The following NOP9 variants were observed in gnomAD, a reference collection of about 807,000 sequenced individuals.
NOP9 encodes NOP9 nucleolar protein, also known as nucleolar protein 9.
A neutral mutation model predicts 63.0 loss-of-function variants in NOP9; 50 were observed. The observed-to-expected ratio is 0.79, with a 90% CI of 0.63 to 1.00. The LOEUF (loss-of-function observed/expected upper bound fraction) is 1.00. Among genes scored for constraint, NOP9 ranks in the 50% least tolerant of loss-of-function variants. NOP9 has a pLI of 0.00. For missense variants in NOP9, 758 were observed against 803.0 expected (o/e 0.94, Z 0.68); for synonymous variants, 343 against 332.8 (o/e 1.03, Z -0.33).
rs1162773942 is a variant in NOP9 at position 24,307,510 on chromosome 14, A to T, written c.*2415A>T. On this transcript the variant is annotated 3_prime_UTR_variant, in exon 10 of 10. Transcript: ENST00000267425. ...TCCAAACTCCGAGCTTATATTAGAT[A>T]CTGACCTGGTAGTTGAGAAGAAAAG... 5 of 1,613,344 alleles carry T rather than the reference A, an allele frequency of 3.1e-6. No homozygotes were observed. In the African/African-American group the frequency reaches 6.7e-5, roughly 22 times the overall value.
At chr14:24,297,388 G>C (rs2041268503), upstream of NOP9, among the ~76,000 whole-genome samples, 1 of 152,146 alleles carries the variant, frequency 6.6e-6, no homozygotes, top group African/African-American at 2.4e-5. Context: ...TCTACTTCCT[G>C]TTCTGTCTCA....
Position 24,302,007 on chromosome 14 carries a change from C to T in NOP9, c.851C>T (p.Ala284Val). ...DKISSFCLQV[A>V]LQVLHRKLPQ... is the part of the protein sequence containing the mutation. ...ATCTCCAGCTTCTGTCTTCAAGTGG[C>T]TTTACAGGTTTTACACCGCAAACTT... The change falls in exon 4 of 10, where the codon GCT becomes GTT. Residue 284 changes from alanine to valine, a missense_variant. Transcript: ENST00000267425. 1 of 1,614,062 alleles carries T rather than the reference C, an allele frequency of 6.2e-7. No homozygotes were observed. Among genetic ancestry groups the T allele is most frequent in the Non-Finnish European group, 8.5e-7 (1 of 1,179,952 alleles).
At chr14:24,304,871 A>C (rs1318211111) in intron 9 of NOP9, 67 bp from the exon 10 acceptor site, 3 of 1,465,504 alleles carry the variant, frequency 2.0e-6, no homozygotes, top group Non-Finnish European at 1.8e-6. Context: ...AAATGGAGGG[A>C]TCTTTACGTC....
Position 24,308,031 on chromosome 14 carries a change from C to T in NOP9, c.*2936C>T. On this transcript the variant is annotated 3_prime_UTR_variant, in exon 10 of 10. Transcript: ENST00000267425. The stretch of plus-strand genomic sequence containing the variant: ...CCTGGCCAGTAAGAAGGGCAAAGTC[C>T]AAGGGGAGGGATGAGGGAGGGGCCA... The T allele has an allele frequency of 1.5e-6, 1 of 647,548 alleles. No homozygotes were observed. Among genetic ancestry groups the T allele is most frequent in the Non-Finnish European group, 2.8e-6 (1 of 356,362 alleles). The allele number at this position is 647,548 out of a possible 1,614,324, so 40.1% of individuals were successfully genotyped here. A position where few individuals can be genotyped will look rare whatever the true frequency, so the allele number is the denominator to read the frequency against.
At chr14:24,280,688 G>C in the NOP9 span, among the ~76,000 whole-genome samples, 4 of 152,222 alleles carry the variant, frequency 2.6e-5, no homozygotes, top group Non-Finnish European at 1.5e-5. Context: ...CATTATAGTT[G>C]GGGAGACAGT....
At chr14:24,297,336 G>A (rs767156021), upstream of NOP9, among the ~76,000 whole-genome samples, 3 of 152,068 alleles carry the variant, frequency 2.0e-5, no homozygotes, top group Non-Finnish European at 4.4e-5. Context: ...AATGCTCCTG[G>A]TTGGTAATTG....
upstream of NOP9, chr14:24,296,891 G>A: frequency 6.2e-7 from 1 of 1,614,182 alleles, no homozygotes; most frequent in Non-Finnish European, 8.5e-7. Flanking sequence ...CCTGGAGTAG[G>A]ACAGGGGATA....
the NOP9 span, among the ~76,000 whole-genome samples, chr14:24,282,261 A>T: frequency 6.6e-6 from 1 of 152,184 alleles, no homozygotes; most frequent in African/African-American, 2.4e-5. Flanking sequence ...TCACACTTTT[A>T]TGCAGAGTTA....
chr14:24,285,360 G>C, the NOP9 span, among the ~76,000 whole-genome samples: 1 of 152,166 alleles, frequency 6.6e-6, no homozygotes, highest in Non-Finnish European at 1.5e-5. Context: ...GAAGTTTCTG[G>C]TGGTGGGAGC....
Position 24,301,840 on chromosome 14 carries a change from G to A in NOP9, c.808+118G>A, listed in dbSNP as rs112093451. ...CTTTTCAAACCTGGTCTGGTTTGAC[G>A]TTCAGAGCACTTTGTATAGTCCCTT... On this transcript the variant is annotated intron_variant, in intron 3 of 9. Coordinates refer to ENST00000267425, the MANE Select transcript of NOP9 (RefSeq NM_174913.3). 2.6e-3 allele frequency: 3,766 copies of A among 1,453,930 alleles called. 97 individuals are homozygous for A. The African/African-American group carries it at 0.045, about 17-fold the overall frequency. 90.1% of individuals were successfully genotyped at this position (1,453,930 alleles called of 1,614,324 possible). A position where few individuals can be genotyped will look rare whatever the true frequency, so the allele number is the denominator to read the frequency against.
the NOP9 span, chr14:24,291,019 A>T: frequency 6.2e-7 from 1 of 1,613,882 alleles, no homozygotes; most frequent in Non-Finnish European, 8.5e-7. Context: ...GAGGAGGAGG[A>T]TTAGATTCTC....
Position 24,301,696 on chromosome 14 carries a change from GCTC to G in NOP9, c.788_790del (p.Ser263del), listed in dbSNP as rs768416000. On this transcript the variant is annotated inframe_deletion, in exon 3 of 10. Transcript: ENST00000267425. Reference sequence around the variant, plus strand: ...TTTTTGAATCGCCTTCAGGACCTGAGCTCCTCCTTTCTGAAGGACATTGCAGGT... The same window carrying G: ...TTTTTGAATCGCCTTCAGGACCTGAGCTCCTTTCTGAAGGACATTGCAGGT... 1 of 1,614,170 alleles carries G rather than the reference GCTC, an allele frequency of 6.2e-7. No homozygotes were observed. Among genetic ancestry groups the G allele is most frequent in the Non-Finnish European group, 8.5e-7 (1 of 1,180,026 alleles).
At position 24,304,583 on chromosome 14, in the gene NOP9, A is replaced by T; in HGVS notation, c.1738A>T (p.Ile580Phe). The T allele has an allele frequency of 6.2e-7, 1 of 1,610,962 alleles. No individual in the cohort carries two copies. Among genetic ancestry groups the T allele is most frequent in the African/African-American group, 1.3e-5 (1 of 74,776 alleles). Reference protein sequence around the residue: ...SGAALRARKEIAAELGEQNQE... With the variant: ...SGAALRARKEFAAELGEQNQE... ...AGCAGCCTTGAGGGCCCGGAAGGAAATTGCTGCTGAGCTTGGTGAGTACCA... is the reference window on the plus strand; with the variant it reads ...AGCAGCCTTGAGGGCCCGGAAGGAATTTGCTGCTGAGCTTGGTGAGTACCA... Residue 580 changes from isoleucine to phenylalanine, a missense_variant, in exon 9 of 10, where the codon ATT becomes TTT. Physicochemically the swap from Ile to Phe is conservative, Grantham distance 21 (BLOSUM62 0). Transcript: ENST00000267425.
chr14:24,300,637 T>C lies in NOP9; in HGVS notation c.477T>C (p.Ser159=). ...TACAGCTCCCTCGATTGCTGGGGAG[T>C]GCTGCAGAGGAGGAGGAGGAGGAGG... ...ALLQLPRLLG[S]AAEEEEEEEE... Residue 159 remains serine (S), a synonymous_variant, in exon 2 of 10, where the codon AGT becomes AGC. Coordinates refer to ENST00000267425, the MANE Select transcript of NOP9 (RefSeq NM_174913.3). The C allele has an allele frequency of 7.2e-7, 1 of 1,390,628 alleles. No individual in the cohort carries two copies. Among genetic ancestry groups the C allele is most frequent in the East Asian group, 2.2e-5 (1 of 44,566 alleles). The allele number at this position is 1,390,628 out of a possible 1,614,324, so 86.1% of individuals were successfully genotyped here.
the NOP9 span, among the ~76,000 whole-genome samples, chr14:24,290,365 G>A: frequency 6.6e-6 from 1 of 152,236 alleles, no homozygotes; most frequent in African/African-American, 2.4e-5. Flanking sequence ...GTGGAATGGG[G>A]GTGGAAAACC....
upstream of NOP9, chr14:24,296,399 AAG>A (rs2041247333): frequency 1.9e-6 from 2 of 1,057,314 alleles, no homozygotes; most frequent in African/African-American, 3.1e-5. Flanking sequence ...AGGGAGAAGA[AAG>A]AGATGGGGGA....
chr14:24,306,519 A>G lies in NOP9; in HGVS notation c.*1424A>G. ...CACTCCATTCAGCAGTAGGGTCTCC[A>G]ATGCCTGCCCAATGGCAAGAAGCAA... On this transcript the variant is annotated 3_prime_UTR_variant, in exon 10 of 10. Coordinates refer to ENST00000267425, the MANE Select transcript of NOP9 (RefSeq NM_174913.3). 2 of 1,614,192 alleles carry G rather than the reference A, an allele frequency of 1.2e-6. No individual in the cohort carries two copies. The highest frequency in any genetic ancestry group is 1.7e-6 in the Non-Finnish European group (2 of 1,180,028).
At chr14:24,298,733 C>G, upstream of NOP9, 2 of 522,800 alleles carry the variant, frequency 3.8e-6, no homozygotes, top group Non-Finnish European at 6.6e-6. Context: ...GAACGTGCCA[C>G]CATGCCTGGC....
At position 24,302,077 on chromosome 14, in the gene NOP9, G is replaced by A. The variant is rs1413789527; in HGVS notation, c.921G>A (p.Leu307=). The A allele has an allele frequency of 2.5e-6, 4 of 1,614,036 alleles. No individual in the cohort carries two copies. The highest frequency in any genetic ancestry group is 3.4e-6 in the Non-Finnish European group (4 of 1,179,962). The change falls in exon 4 of 10, where the codon CTG becomes CTA. Residue 307 remains leucine, a synonymous_variant. Transcript: ENST00000267425. ...TCTGCAATGCTGTGATTGGCTACCT[G>A]AGTACTCGCGGTTCCTCAGTAGATG... The part of the protein sequence containing the change: ...AHLCNAVIGY[L]STRGSSVDGS...
Sources: gnomAD v4.1 joint callset for allele counts (sites outside exome capture counted in the v4.1 genomes callset) on GRCh38, gnomAD v4.1.1 for gene constraint, MANE v1.5 for transcripts, NCBI Gene and HGNC (gene_info 2026-07-23, HGNC 2026-07-21) for gene names.